Variants in BMI1 observed in about 807,000 individuals in gnomAD.
BMI1 encodes BMI1 proto-oncogene, polycomb ring finger, also known as polycomb complex protein BMI-1.
In BMI1, 9 loss-of-function variants were observed where a neutral mutation model predicts 39.1. That is an observed-to-expected ratio of 0.23 (90% CI 0.14 to 0.40). The LOEUF (loss-of-function observed/expected upper bound fraction) is 0.40. Ranked by LOEUF, BMI1 falls within the 10% of genes least tolerant of loss-of-function variation. The pLI is 1.00. For missense variants in BMI1, 252 were observed against 390.8 expected, an observed-to-expected ratio of 0.64 and a Z score of 2.99; for synonymous variants, 131 against 127.9, an observed-to-expected ratio of 1.02 and a Z score of -0.16.
At chr10:22,321,987 G>A (rs1423995455) in intron 1 of BMI1, 1 of 145,404 alleles carries the variant, frequency 6.9e-6, no homozygotes, top group Non-Finnish European at 1.5e-5. Flanking sequence ...CCGCCAGCAG[G>A]GCTCGGCGCC....
chr10:22,326,915 C>T lies in BMI1; in HGVS notation c.138C>T (p.Tyr46=), dbSNP rs762015343. The change falls in exon 3 of 10, where the codon TAC becomes TAT. Residue 46 remains tyrosine (Y), a synonymous_variant. Coordinates refer to ENST00000376663, the MANE Select transcript of BMI1 (RefSeq NM_005180.9). ...TCTGTAAAACGTGTATTGTTCGTTA[C>T]CTGGAGACCAGCAAGTATTGTCCTA... ...HSFCKTCIVR[Y]LETSKYCPIC... 37 of 1,613,886 alleles carry T rather than the reference C, an allele frequency of 2.3e-5. No homozygotes were observed. The South Asian group carries it at 3.5e-4, about 15-fold the overall frequency.
Position 22,331,182 on chromosome 10 carries a change from G to T in BMI1, c.*1640G>T, listed in dbSNP as rs1460353393. Reference sequence around the variant, plus strand: ...TTTGTACAGTCCCATTGTAAGTGTTGTTTCTAATTATAGATGTAAAATGAA... The same window carrying T: ...TTTGTACAGTCCCATTGTAAGTGTTTTTTCTAATTATAGATGTAAAATGAA... On this transcript the variant is annotated 3_prime_UTR_variant, in exon 10 of 10. Coordinates refer to ENST00000376663, the MANE Select transcript of BMI1 (RefSeq NM_005180.9). 1 of 152,392 alleles carries T rather than the reference G, an allele frequency of 6.6e-6. No individual in the cohort carries two copies. Among genetic ancestry groups the T allele is most frequent in the Non-Finnish European group, 1.5e-5 (1 of 67,922 alleles). 9.4% of individuals were successfully genotyped at this position (152,392 alleles called of 1,614,324 possible).
intron 1 of BMI1, among the ~76,000 whole-genome samples, chr10:22,323,614 A>G (rs558899965): frequency 3.3e-5 from 5 of 152,244 alleles, no homozygotes; most frequent in Non-Finnish European, 7.3e-5. Flanking sequence ...CTTAGATTGC[A>G]GTAGGCAAGC....
Position 22,327,962 on chromosome 10 carries a change from C to T in BMI1, c.329C>T (p.Ser110Phe). ...TATATCGTTATAGCTGCCAATGGCT[C>T]TAATGAAGATAGAGGAGAGGTTGCA... The part of the protein sequence containing the change: ...AHPSADAANG[S>F]NEDRGEVADE... The change falls in exon 6 of 10, where the codon TCT becomes TTT. Residue 110 changes from serine to phenylalanine, a missense_variant. Ser to Phe is a radical substitution (Grantham distance 155). Coordinates refer to ENST00000376663, the MANE Select transcript of BMI1 (RefSeq NM_005180.9). 1 of 1,602,368 alleles carries T rather than the reference C, an allele frequency of 6.2e-7. No homozygotes were observed. The highest frequency in any genetic ancestry group is 8.5e-7 in the Non-Finnish European group (1 of 1,176,774).
chr10:22,328,702 T>C lies in BMI1; in HGVS notation c.570+4T>C, dbSNP rs1405260604. 3 of 1,563,442 alleles carry C rather than the reference T, an allele frequency of 1.9e-6. No individual in the cohort carries two copies. The highest frequency in any genetic ancestry group is 2.6e-6 in the Non-Finnish European group (3 of 1,160,158). On this transcript the variant is annotated splice_donor_region_variant and intron_variant, in intron 8 of 9. Coordinates refer to ENST00000376663, the MANE Select transcript of BMI1 (RefSeq NM_005180.9). ...GGACATACCTAATACTTTCCAGGTA[T>C]CTACTTTTATATTCTTCTTGCATTT...
At chr10:22,325,693 C>T (rs1187530038) in intron 1 of BMI1, 1 of 150,098 alleles carries the variant, frequency 6.7e-6, no homozygotes, top group African/African-American at 2.4e-5. Flanking sequence ...GGGCTCCGCG[C>T]GGAGTTGCAG....
chr10:22,327,950 C>G lies in BMI1; in HGVS notation c.317C>G (p.Ala106Gly). Residue 106 changes from alanine (A) to glycine (G), a missense_variant and splice_region_variant, in exon 6 of 10, where the codon GCT becomes GGT. Around this residue, in one of 4 missense-constraint regions of BMI1, gnomAD observed 67 missense variants for 69.9 expected, o/e 0.96. Transcript: ENST00000376663. ...DFYAAHPSADAANGSNEDRGE... is the reference protein window; with the variant it reads ...DFYAAHPSADGANGSNEDRGE... ...ATTACATTTCACTATATCGTTATAG[C>G]TGCCAATGGCTCTAATGAAGATAGA... 1.3e-6 allele frequency: 2 copies of G among 1,595,444 alleles called. No homozygotes were observed. The highest frequency in any genetic ancestry group is 1.2e-5 in the South Asian group (1 of 86,444).
intron 2 of BMI1, 74 bp downstream of exon 2, chr10:22,326,635 A>C (rs1836160458): frequency 1.9e-6 from 3 of 1,567,442 alleles, no homozygotes; most frequent in Non-Finnish European, 2.6e-6. Flanking sequence ...AAAACTGTTA[A>C]TGATTCCTGC....
chr10:22,329,488 C>T lies in BMI1; in HGVS notation c.927C>T (p.Ala309=). Residue 309 remains alanine (A), a synonymous_variant, in exon 10 of 10, where the codon GCC becomes GCT. Transcript: ENST00000376663. ...SPSGNHQSSF[A]NRPRKSSVNG... is the part of the protein sequence containing the mutation. ...GCGGTAACCACCAATCTTCTTTTGCCAATAGACCTCGAAAATCATCAGTAA... is the reference window on the plus strand; with the variant it reads ...GCGGTAACCACCAATCTTCTTTTGCTAATAGACCTCGAAAATCATCAGTAA... The T allele has an allele frequency of 6.2e-7, 1 of 1,614,124 alleles. No homozygotes were observed. Among genetic ancestry groups the T allele is most frequent in the Non-Finnish European group, 8.5e-7 (1 of 1,180,000 alleles).
At chr10:22,323,668 A>G (rs1359015612) in intron 1 of BMI1, among the ~76,000 whole-genome samples, 1 of 152,186 alleles carries the variant, frequency 6.6e-6, no homozygotes, top group Non-Finnish European at 1.5e-5. Context: ...CTTCATTTTG[A>G]CATTCCTGGT....
chr10:22,327,977 G>A lies in BMI1; in HGVS notation c.344G>A (p.Gly115Glu). 6.2e-7 allele frequency: 1 copy of A among 1,609,370 alleles called. No homozygotes were observed. Among genetic ancestry groups the A allele is most frequent in the Non-Finnish European group, 8.5e-7 (1 of 1,178,538 alleles). Residue 115 changes from glycine (G) to glutamate (E), a missense_variant, in exon 6 of 10, where the codon GGA becomes GAA. By Grantham distance (98) the Gly-to-Glu change is moderately conservative. Around this residue, in one of 4 missense-constraint regions of BMI1, gnomAD observed 67 missense variants for 69.9 expected, o/e 0.96. Coordinates refer to ENST00000376663, the MANE Select transcript of BMI1 (RefSeq NM_005180.9). ...DAANGSNEDRGEVADEDKRII... is the reference protein window; with the variant it reads ...DAANGSNEDREEVADEDKRII... ...GCCAATGGCTCTAATGAAGATAGAG[G>A]AGAGGTTGCAGATGAAGATAAGAGA...
At chr10:22,325,626 C>G (rs1836124255) in intron 1 of BMI1, 1 of 144,550 alleles carries the variant, frequency 6.9e-6, no homozygotes, top group Non-Finnish European at 1.5e-5. Context: ...CCGCCCCTCC[C>G]CCGCCCGCCC....
rs772904068 is a variant in BMI1, at chr10:22,328,118, A to G, written c.426-16A>G. On this transcript the variant is annotated splice_polypyrimidine_tract_variant and intron_variant, in intron 6 of 9. Transcript: ENST00000376663. ...TTTTATTAGATTGTTTCACTAATAA[A>G]TTTTCTCTTTATTAGATTGGATCGG... 3 of 1,598,148 alleles carry G rather than the reference A, an allele frequency of 1.9e-6. No individual in the cohort carries two copies. Among genetic ancestry groups the G allele is most frequent in the South Asian group, 1.1e-5 (1 of 87,066 alleles).
intron 1 of BMI1, chr10:22,325,640 C>T (rs1836127083): frequency 1.4e-5 from 2 of 146,770 alleles, no homozygotes; most frequent in African/African-American, 4.9e-5. Context: ...CCCGCCCGCC[C>T]GCCCGCCGCC....
rs902590283 is a variant in BMI1 at position 22,331,397 on chromosome 10, G to A, written c.*1855G>A. 2.0e-5 allele frequency: 3 copies of A among 152,124 alleles called. No individual in the cohort carries two copies. The highest frequency in any genetic ancestry group is 2.1e-4 in the South Asian group (1 of 4,832). The allele number at this position is 152,124 out of a possible 1,614,324, so 9.4% of individuals were successfully genotyped here. On this transcript the variant is annotated 3_prime_UTR_variant, in exon 10 of 10. Transcript: ENST00000376663. ...ATAGTGATGTGGCTAAGAAGTACAT[G>A]CTTTGTTGTAAAATTGCTTGAAAGC...
chr10:22,328,455 G>C (rs1836208147), intron 7 of BMI1, 145 bp from the exon 8 acceptor site: 4 of 812,306 alleles, frequency 4.9e-6, no homozygotes, highest in African/African-American at 3.5e-5. Flanking sequence ...TGTAATGATA[G>C]TAAACTCAGA....
chr10:22,327,699 C>T (rs779179193), intron 4 of BMI1, 43 bp from the exon 5 acceptor site: 5 of 1,612,604 alleles, frequency 3.1e-6, no homozygotes, highest in Middle Eastern at 3.3e-4. Context: ...TTCATTAGTT[C>T]TTTGTGTTAT....
At position 22,330,760 on chromosome 10, in the gene BMI1, C is replaced by G. The variant is rs1046031725; in HGVS notation, c.*1218C>G. 2 of 152,558 alleles carry G rather than the reference C, an allele frequency of 1.3e-5. No homozygotes were observed. The highest frequency in any genetic ancestry group is 2.9e-5 in the Non-Finnish European group (2 of 67,980). The allele number at this position is 152,558 out of a possible 1,614,324, so 9.5% of individuals were successfully genotyped here. ...CAGTTAACAATGGAATATGCCTTCT[C>G]TGCTATGTCTGAAAATAGAAGCTAT... On this transcript the variant is annotated 3_prime_UTR_variant, in exon 10 of 10. Transcript: ENST00000376663.
chr10:22,327,352 A>G (rs1422991179), intron 3 of BMI1, among the ~76,000 whole-genome samples: 1 of 152,178 alleles, frequency 6.6e-6, no homozygotes, highest in Admixed American at 6.5e-5. Context: ...TGAAAGGCAC[A>G]CTTCTTTTGA....
Sources: allele counts gnomAD v4.1 joint callset (sites outside exome capture counted in the v4.1 genomes callset), GRCh38; gene constraint gnomAD v4.1.1; regional missense constraint gnomAD v4.1.1; transcripts MANE v1.5; gene names NCBI Gene and HGNC (gene_info 2026-07-23, HGNC 2026-07-21).